The following CPQ variants were observed in gnomAD, a reference collection of about 807,000 sequenced individuals.
CPQ encodes Ser-Met dipeptidase.
In CPQ, 37 loss-of-function variants were observed where a neutral mutation model predicts 45.7. That is an observed-to-expected ratio of 0.81 (90% CI 0.62 to 1.07). The LOEUF (loss-of-function observed/expected upper bound fraction) is 1.07, where lower values mean the gene tolerates loss of function less well. Ranked by LOEUF, CPQ falls within the 50% of genes least tolerant of loss-of-function variation. The probability of loss-of-function intolerance (pLI) is 0.00; values close to 1 mark genes in which losing one functional copy is unlikely to be tolerated. For synonymous variants in CPQ, 186 were observed against 205.8 expected (o/e 0.90, Z 0.82); for missense variants, 537 against 572.9 (o/e 0.94, Z 0.64).
At chr8:96,793,414 A>G (rs771997523) in intron 2 of CPQ, among the ~76,000 whole-genome samples, 1 of 151,932 alleles carries the variant, frequency 6.6e-6, no homozygotes, top group Non-Finnish European at 1.5e-5. Context: ...TCCCCTTTTT[A>G]AAACCATGAG....
chr8:96,840,353 A>G (rs1383331310), intron 3 of CPQ, among the ~76,000 whole-genome samples: 1 of 152,164 alleles, frequency 6.6e-6, no homozygotes, highest in Non-Finnish European at 1.5e-5. Context: ...TTTTAAGTCT[A>G]ATGTGGAGGA....
At chr8:96,738,960 C>A (rs1368049237) in intron 1 of CPQ, among the ~76,000 whole-genome samples, 12 of 151,678 alleles carry the variant, frequency 7.9e-5, no homozygotes, top group African/African-American at 2.9e-4. Context: ...ATTTATAGTC[C>A]TTTGGGTATA....
At chr8:97,024,589 C>G (rs189387873) in intron 5 of CPQ, among the ~76,000 whole-genome samples, 1 of 152,192 alleles carries the variant, frequency 6.6e-6, no homozygotes, top group East Asian at 1.9e-4. Context: ...TTTGTCTAAC[C>G]ATGTCCCTAT....
intron 1 of CPQ, among the ~76,000 whole-genome samples, chr8:96,718,768 A>G (rs1809721460): frequency 1.3e-5 from 2 of 152,068 alleles, no homozygotes; most frequent in Admixed American, 6.6e-5. Flanking sequence ...GCTAGACACA[A>G]AGGTTCTCCA....
intron 1 of CPQ, among the ~76,000 whole-genome samples, chr8:96,676,000 G>C (rs991396303): frequency 3.3e-5 from 5 of 151,664 alleles, no homozygotes; most frequent in South Asian, 2.1e-4. Flanking sequence ...TATTTTTATA[G>C]ATTAATAATA....
intron 5 of CPQ, among the ~76,000 whole-genome samples, chr8:96,970,366 T>C (rs1428267409): frequency 2.0e-5 from 3 of 152,270 alleles, no homozygotes; most frequent in Non-Finnish European, 4.4e-5. Flanking sequence ...ATTACTATTG[T>C]AAGCATTGTG....
intron 3 of CPQ, among the ~76,000 whole-genome samples, chr8:96,835,864 G>C (rs1811522373): frequency 6.6e-6 from 1 of 152,194 alleles, no homozygotes; most frequent in Non-Finnish European, 1.5e-5. Context: ...TTGTTTGAGA[G>C]TAACATAGGA....
At chr8:96,744,035 C>A (rs1810136575) in intron 1 of CPQ, among the ~76,000 whole-genome samples, 1 of 152,222 alleles carries the variant, frequency 6.6e-6, no homozygotes, top group Admixed American at 6.5e-5. Flanking sequence ...CTTTGTTTAC[C>A]CAAGCAAGCC....
intron 1 of CPQ, among the ~76,000 whole-genome samples, chr8:96,722,443 A>G (rs960615828): frequency 2.6e-5 from 4 of 151,950 alleles, no homozygotes; most frequent in Non-Finnish European, 2.9e-5. Flanking sequence ...CATATTATCT[A>G]TCTATGGCTG....
chr8:97,036,024 A>C (rs1225149711), intron 6 of CPQ, among the ~76,000 whole-genome samples: 1 of 152,046 alleles, frequency 6.6e-6, no homozygotes, highest in Non-Finnish European at 1.5e-5. Context: ...GACTATCTTC[A>C]TTTCGGTGTT....
At chr8:96,818,413 G>A (rs180774207) in intron 2 of CPQ, among the ~76,000 whole-genome samples, 122 of 152,032 alleles carry the variant, frequency 8.0e-4, no homozygotes, top group African/African-American at 2.8e-3. Context: ...TTGAAATATT[G>A]CAAGAATTAC....
chr8:97,013,376 A>C (rs553388443), intron 5 of CPQ, among the ~76,000 whole-genome samples: 5 of 152,202 alleles, frequency 3.3e-5, no homozygotes, highest in Non-Finnish European at 5.9e-5. Flanking sequence ...AATCTGATCC[A>C]TATCGCTATT....
Position 96,667,701 on chromosome 8 carries a change from T to C in CPQ, c.-35+22299T>C, listed in dbSNP as rs114824003. On this transcript the variant is annotated intron_variant, in intron 1 of 7. Coordinates refer to ENST00000220763, the MANE Select transcript of CPQ (RefSeq NM_016134.4). ...CGTCGCCACACTTAGGCCAAGTTTGTTTCTATCTTTATATCTTTCTATATT... is the reference window on the plus strand; with the variant it reads ...CGTCGCCACACTTAGGCCAAGTTTGCTTCTATCTTTATATCTTTCTATATT... 8.6e-3 allele frequency among the ~76,000 whole-genome samples: 1,302 copies of C among 152,230 alleles called. 12 individuals carry two copies. Among genetic ancestry groups the C allele is most frequent in the African/African-American group, 0.026 (1,069 of 41,534 alleles).
chr8:96,833,362 C>G (rs1811484770), intron 2 of CPQ, among the ~76,000 whole-genome samples: 1 of 152,146 alleles, frequency 6.6e-6, no homozygotes, highest in Non-Finnish European at 1.5e-5. Flanking sequence ...AAGTACCACC[C>G]TCGTGTGACT....
intron 5 of CPQ, among the ~76,000 whole-genome samples, chr8:97,010,324 A>C (rs1809467008): frequency 6.6e-6 from 1 of 152,178 alleles, no homozygotes; most frequent in African/African-American, 2.4e-5. Context: ...TGGAGTAAAA[A>C]TATAAAAAAT....
intron 1 of CPQ, among the ~76,000 whole-genome samples, chr8:96,773,154 T>A (rs1369988049): frequency 6.6e-6 from 1 of 152,162 alleles, no homozygotes; most frequent in African/African-American, 2.4e-5. Flanking sequence ...AAATGATGAA[T>A]CAGAGCTGTA....
At chr8:96,895,981 A>G (rs567551539) in intron 4 of CPQ, among the ~76,000 whole-genome samples, 3 of 152,088 alleles carry the variant, frequency 2.0e-5, no homozygotes, top group African/African-American at 7.2e-5. Context: ...TTTTCCCTCA[A>G]TGTTTATATC....
At chr8:97,050,079 G>A (rs1810332650) in intron 6 of CPQ, among the ~76,000 whole-genome samples, 1 of 152,122 alleles carries the variant, frequency 6.6e-6, no homozygotes, top group Non-Finnish European at 1.5e-5. Context: ...ACCTGAGTGG[G>A]AGGCCTCCAT....
chr8:96,934,276 TAG>T (rs1451136333), intron 4 of CPQ, among the ~76,000 whole-genome samples: 1 of 152,098 alleles, frequency 6.6e-6, no homozygotes, highest in Non-Finnish European at 1.5e-5. Flanking sequence ...TTAAGGATGG[TAG>T]AGAGATTACT....
Sources: gnomAD v4.1 joint callset for allele counts (sites outside exome capture counted in the v4.1 genomes callset) on GRCh38, gnomAD v4.1.1 for gene constraint, MANE v1.5 for transcripts, NCBI Gene and HGNC (gene_info 2026-07-23, HGNC 2026-07-21) for gene names.